Variants in FRMD3 observed in about 807,000 individuals in gnomAD.
FRMD3 encodes the protein FERM domain-containing protein 3.
Under a neutral mutation model 70.2 loss-of-function variants are expected in FRMD3, and 33 were observed. The observed-to-expected ratio is 0.47, with a 90% CI of 0.36 to 0.63. The LOEUF (loss-of-function observed/expected upper bound fraction) is 0.63. FRMD3 is among the 20% of genes least tolerant of loss of function. The pLI, the probability that FRMD3 is intolerant of heterozygous loss-of-function variation, is 0.00. For missense variants in FRMD3, 632 were observed against 711.4 expected, an observed-to-expected ratio of 0.89 and a Z score of 1.27; for synonymous variants, 279 against 255.9, an observed-to-expected ratio of 1.09 and a Z score of -0.86.
chr9:83,434,328 C>A (rs898448349), intron 1 of FRMD3, among the ~76,000 whole-genome samples: 2 of 152,186 alleles, frequency 1.3e-5, no homozygotes, highest in African/African-American at 4.8e-5. Flanking sequence ...GAGTTAGACA[C>A]AGGGGGACTT....
intron 3 of FRMD3, among the ~76,000 whole-genome samples, chr9:83,355,987 G>A (rs886218617): frequency 3.3e-5 from 5 of 152,188 alleles, no homozygotes. Flanking sequence ...GGGCAGCTCA[G>A]TGGCCCCTTT....
chr9:83,386,794 T>C (rs1407745106), intron 2 of FRMD3, among the ~76,000 whole-genome samples: 1 of 152,214 alleles, frequency 6.6e-6, no homozygotes, highest in Non-Finnish European at 1.5e-5. Context: ...TCTCTGACTG[T>C]GAATCCAGTC....
At chr9:83,426,035 G>A (rs1206783461) in intron 1 of FRMD3, among the ~76,000 whole-genome samples, 1 of 152,018 alleles carries the variant, frequency 6.6e-6, no homozygotes, top group Non-Finnish European at 1.5e-5. Context: ...TCACAAGCGT[G>A]AGCAAACCAT....
intron 1 of FRMD3, among the ~76,000 whole-genome samples, chr9:83,522,508 G>A (rs890429294): frequency 6.6e-6 from 1 of 150,638 alleles, no homozygotes; most frequent in Non-Finnish European, 1.5e-5. Flanking sequence ...ATTTTTTACT[G>A]CAATAAAAAT....
intron 1 of FRMD3, among the ~76,000 whole-genome samples, chr9:83,413,972 G>A (rs940268173): frequency 3.9e-5 from 6 of 152,146 alleles, no homozygotes; most frequent in East Asian, 1.9e-4. Flanking sequence ...GGAACCAGCC[G>A]GGAGACCATA....
intron 10 of FRMD3, among the ~76,000 whole-genome samples, chr9:83,307,731 A>G (rs919323724): frequency 6.6e-6 from 1 of 152,216 alleles, no homozygotes; most frequent in Admixed American, 6.5e-5. Context: ...AGATAGTGAT[A>G]ATGGCTATAT....
At chr9:83,290,228 T>C (rs1464947946) in intron 13 of FRMD3, among the ~76,000 whole-genome samples, 1 of 152,230 alleles carries the variant, frequency 6.6e-6, no homozygotes. Context: ...ATGTGGCTAT[T>C]GAGCACTGAG....
intron 6 of FRMD3, among the ~76,000 whole-genome samples, chr9:83,329,358 T>G (rs7029260): frequency 1 from 151,769 of 152,342 alleles, 75,601 homozygotes; most frequent in South Asian, 1. Flanking sequence ...AAGAGAAAAC[T>G]CATCTTAAGA....
intron 7 of FRMD3, among the ~76,000 whole-genome samples, chr9:83,313,048 C>T (rs543698281): frequency 6.6e-5 from 10 of 152,144 alleles, no homozygotes; most frequent in Non-Finnish European, 1.3e-4. Flanking sequence ...GAAAGAAGAA[C>T]GTTGCTTCAG....
intron 4 of FRMD3, among the ~76,000 whole-genome samples, chr9:83,348,589 A>T (rs1323326825): frequency 6.6e-6 from 1 of 152,168 alleles, no homozygotes; most frequent in African/African-American, 2.4e-5. Context: ...ATGCCACTGC[A>T]TTATACACTT....
chr9:83,286,334 CTT>C (rs35896378), intron 13 of FRMD3, among the ~76,000 whole-genome samples: 124,297 of 148,736 alleles, frequency 0.84, 53,453 homozygotes, highest in East Asian at 0.97. Context: ...TTAGAGAACA[CTT>C]TTTTTTTTTT....
At chr9:83,481,169 T>C (rs983038421) in intron 1 of FRMD3, among the ~76,000 whole-genome samples, 1 of 152,214 alleles carries the variant, frequency 6.6e-6, no homozygotes, top group African/African-American at 2.4e-5. Flanking sequence ...TAGTTAGATG[T>C]CACTTTACTG....
chr9:83,420,089 A>C (rs1826586840), intron 1 of FRMD3, among the ~76,000 whole-genome samples: 1 of 152,202 alleles, frequency 6.6e-6, no homozygotes, highest in Non-Finnish European at 1.5e-5. Flanking sequence ...TGGTTCCTTC[A>C]TGGCTCTGTT....
intron 10 of FRMD3, among the ~76,000 whole-genome samples, chr9:83,300,388 G>A (rs1834864246): frequency 6.6e-6 from 1 of 152,252 alleles, no homozygotes; most frequent in Non-Finnish European, 1.5e-5. Context: ...AAAGCCATCA[G>A]CCTAAACATC....
the FRMD3 span, among the ~76,000 whole-genome samples, chr9:83,578,124 T>A: frequency 6.6e-6 from 1 of 150,978 alleles, no homozygotes; most frequent in Admixed American, 6.6e-5. Flanking sequence ...CATTGAACTA[T>A]GAAGAAATAA....
chr9:83,519,422 C>T (rs957007013), intron 1 of FRMD3, among the ~76,000 whole-genome samples: 2 of 152,112 alleles, frequency 1.3e-5, no homozygotes, highest in Admixed American at 6.5e-5. Context: ...TAGAGAAATG[C>T]AAATCAAAAC....
chr9:83,273,392 C>T (rs373812404), intron 13 of FRMD3, among the ~76,000 whole-genome samples: 15,983 of 147,840 alleles, frequency 0.11, 1,018 homozygotes, highest in Non-Finnish European at 0.14. Context: ...GGATTAAGGG[C>T]GGTGCAAGAT....
intron 1 of FRMD3, among the ~76,000 whole-genome samples, chr9:83,418,163 G>A (rs1392500922): frequency 6.6e-6 from 1 of 152,080 alleles, no homozygotes; most frequent in African/African-American, 2.4e-5. Flanking sequence ...TATTCACGAA[G>A]CTAAGGGATA....
At chr9:83,451,923 C>T (rs72746809) in intron 1 of FRMD3, among the ~76,000 whole-genome samples, 3,938 of 152,228 alleles carry the variant, frequency 0.026, 74 homozygotes, top group Non-Finnish European at 0.039. Flanking sequence ...TCATAACTGT[C>T]AAGGATCCCC....
Sources: gnomAD v4.1 joint callset for allele counts (sites outside exome capture counted in the v4.1 genomes callset) on GRCh38, gnomAD v4.1.1 for gene constraint, MANE v1.5 for transcripts, NCBI Gene and HGNC (gene_info 2026-07-23, HGNC 2026-07-21) for gene names.